The following SLC10A7 variants were observed in gnomAD, a reference collection of about 807,000 sequenced individuals.
SLC10A7 encodes the protein sodium/bile acid cotransporter 7.
SLC10A7 carries 29 observed loss-of-function variants against 43.2 expected under a neutral mutation model. The observed-to-expected ratio is 0.67, with a 90% CI of 0.50 to 0.92. SLC10A7 has a LOEUF of 0.92. Among genes scored for constraint, SLC10A7 ranks in the 40% least tolerant of loss-of-function variants. The pLI, the probability that SLC10A7 is intolerant of heterozygous loss-of-function variation, is 0.00. For missense variants in SLC10A7, 295 were observed against 403.2 expected (o/e 0.73, Z 2.30); for synonymous variants, 152 against 144.8 (o/e 1.05, Z -0.35).
chr4:146,409,099 T>C (rs1222181143), intron 5 of SLC10A7, among the ~76,000 whole-genome samples: 2 of 152,120 alleles, frequency 1.3e-5, no homozygotes, highest in Non-Finnish European at 2.9e-5. Context: ...TTGCAATATA[T>C]AGGAAACATA....
chr4:146,280,000 A>G (rs1182699295), intron 10 of SLC10A7, among the ~76,000 whole-genome samples: 1 of 152,200 alleles, frequency 6.6e-6, no homozygotes, highest in African/African-American at 2.4e-5. Context: ...TCGAAGGTGT[A>G]TATAAGAGAA....
chr4:146,318,235 T>C (rs1198488158), intron 6 of SLC10A7, among the ~76,000 whole-genome samples: 1 of 152,084 alleles, frequency 6.6e-6, no homozygotes, highest in Non-Finnish European at 1.5e-5. Context: ...CAATTATCAC[T>C]GTCTTTAACT....
chr4:146,283,970 TATGTTAAACATTAAA>T (rs142833590), intron 9 of SLC10A7, among the ~76,000 whole-genome samples: 4,117 of 152,248 alleles, frequency 0.027, 166 homozygotes, highest in African/African-American at 0.09. Flanking sequence ...TGTTATATAC[TATGTTAAACATTAAA>T]AAAAACCTCA....
intron 5 of SLC10A7, among the ~76,000 whole-genome samples, chr4:146,418,190 C>A (rs1158352433): frequency 6.6e-6 from 1 of 152,178 alleles, no homozygotes; most frequent in Non-Finnish European, 1.5e-5. Flanking sequence ...CTGAAGTAAT[C>A]AACCTTATAA....
intron 5 of SLC10A7, among the ~76,000 whole-genome samples, chr4:146,342,225 T>C (rs1253448850): frequency 6.6e-6 from 1 of 151,758 alleles, no homozygotes; most frequent in Non-Finnish European, 1.5e-5. Flanking sequence ...ATTCTTTTAT[T>C]TGACTGATTT....
At chr4:146,354,176 C>G (rs1416349105) in intron 5 of SLC10A7, among the ~76,000 whole-genome samples, 1 of 147,164 alleles carries the variant, frequency 6.8e-6, no homozygotes, top group East Asian at 2.0e-4. Context: ...AGCTGATAAG[C>G]AACTTCAGCA....
At chr4:146,483,715 C>A (rs1218951454) in intron 4 of SLC10A7, among the ~76,000 whole-genome samples, 1 of 151,926 alleles carries the variant, frequency 6.6e-6, no homozygotes, top group African/African-American at 2.4e-5. Context: ...CAGCTACATG[C>A]TGCCTACAAG....
chr4:146,465,492 C>T (rs1405384411), intron 4 of SLC10A7, among the ~76,000 whole-genome samples: 1 of 117,846 alleles, frequency 8.5e-6, no homozygotes, highest in Non-Finnish European at 1.8e-5. Context: ...GATATAACTG[C>T]TGAATACTTT....
At chr4:146,393,510 CT>C (rs1738598150) in intron 5 of SLC10A7, among the ~76,000 whole-genome samples, 1 of 152,160 alleles carries the variant, frequency 6.6e-6, no homozygotes, top group Admixed American at 6.5e-5. Context: ...TCTTTCCACA[CT>C]AGAATGTAAC....
intron 10 of SLC10A7, among the ~76,000 whole-genome samples, chr4:146,261,958 CA>C (rs1365486469): frequency 2.0e-5 from 3 of 152,270 alleles, no homozygotes; most frequent in Non-Finnish European, 1.5e-5. Context: ...TCAGACAATG[CA>C]TGTCTGAAAG....
intron 4 of SLC10A7, among the ~76,000 whole-genome samples, chr4:146,483,434 A>G (rs530022392): frequency 9.1e-6 from 1 of 110,140 alleles, no homozygotes; most frequent in African/African-American, 3.7e-5. Context: ...TAAACCTCAT[A>G]GTAACCACAC....
At chr4:146,394,651 C>T (rs562873265) in intron 5 of SLC10A7, among the ~76,000 whole-genome samples, 4 of 152,242 alleles carry the variant, frequency 2.6e-5, no homozygotes, top group South Asian at 4.1e-4. Context: ...CCTGAACCAC[C>T]GTGCCCAGCC....
At chr4:146,299,825 T>A (rs768454774) in intron 7 of SLC10A7, among the ~76,000 whole-genome samples, 1 of 152,200 alleles carries the variant, frequency 6.6e-6, no homozygotes, top group Non-Finnish European at 1.5e-5. Flanking sequence ...GAGACCAATG[T>A]GTATTGCTCT....
At chr4:146,298,484 C>T (rs902158863) in intron 7 of SLC10A7, among the ~76,000 whole-genome samples, 3 of 152,004 alleles carry the variant, frequency 2.0e-5, no homozygotes, top group African/African-American at 7.2e-5. Flanking sequence ...AATGGAAAGA[C>T]CAGAGAATGC....
chr4:146,384,128 C>CA (rs901117884), intron 5 of SLC10A7, among the ~76,000 whole-genome samples: 85 of 152,142 alleles, frequency 5.6e-4, no homozygotes, highest in African/African-American at 2.0e-3. Context: ...TTCCTGCTCT[C>CA]AAAAAAACTG....
chr4:146,374,939 C>T (rs1737077800), intron 5 of SLC10A7, among the ~76,000 whole-genome samples: 2 of 152,266 alleles, frequency 1.3e-5, no homozygotes, highest in East Asian at 3.9e-4. Flanking sequence ...GGTGTGGTGG[C>T]TTACGCCTGT....
intron 5 of SLC10A7, among the ~76,000 whole-genome samples, chr4:146,418,231 T>G (rs1728714682): frequency 1.3e-5 from 2 of 152,178 alleles, no homozygotes; most frequent in Non-Finnish European, 2.9e-5. Context: ...CATTGTCCAA[T>G]GTTAACAGCA....
At chr4:146,278,757 A>C (rs978940162) in intron 10 of SLC10A7, among the ~76,000 whole-genome samples, 4 of 152,172 alleles carry the variant, frequency 2.6e-5, no homozygotes, top group African/African-American at 9.7e-5. Context: ...CATTTTGTCC[A>C]TCTTCTCATT....
intron 5 of SLC10A7, among the ~76,000 whole-genome samples, chr4:146,376,839 C>T (rs924536706): frequency 6.6e-5 from 10 of 152,110 alleles, no homozygotes; most frequent in African/African-American, 2.4e-4. Flanking sequence ...AGCTGTGTCC[C>T]GTTTTTATTG....
Sources: gnomAD v4.1 joint callset for allele counts (sites outside exome capture counted in the v4.1 genomes callset) on GRCh38, gnomAD v4.1.1 for gene constraint, MANE v1.5 for transcripts, NCBI Gene and HGNC (gene_info 2026-07-23, HGNC 2026-07-21) for gene names.